SDHC: variants seen among roughly 807,000 people sequenced by gnomAD.
The protein encoded by SDHC is succinate dehydrogenase cytochrome b560 subunit, mitochondrial.
In SDHC, 11 loss-of-function variants were observed where a neutral mutation model predicts 22.6. That is an observed-to-expected ratio of 0.49 (90% CI 0.31 to 0.81). The LOEUF (loss-of-function observed/expected upper bound fraction) is 0.81. SDHC is among the 30% of genes least tolerant of loss of function. The pLI, the probability that SDHC is intolerant of heterozygous loss-of-function variation, is 0.05. For missense variants in SDHC, 160 were observed against 212.0 expected (o/e 0.75, Z 1.52); for synonymous variants, 80 against 77.8 (o/e 1.03, Z -0.15).
intron 5 of SDHC, among the ~76,000 whole-genome samples, chr1:161,358,704 A>G (rs1571893489): frequency 6.6e-6 from 1 of 151,992 alleles, no homozygotes; most frequent in Non-Finnish European, 1.5e-5. Flanking sequence ...AGGCGGGCGG[A>G]TAATCTGAGG....
intron 3 of SDHC, among the ~76,000 whole-genome samples, chr1:161,339,238 A>G (rs976474117): frequency 6.6e-6 from 1 of 152,138 alleles, no homozygotes; most frequent in Non-Finnish European, 1.5e-5. Flanking sequence ...GCTGGAGTAC[A>G]GTGGCACAGT....
At chr1:161,359,157 G>A (rs16832850) in intron 5 of SDHC, among the ~76,000 whole-genome samples, 1 of 151,616 alleles carries the variant, frequency 6.6e-6, no homozygotes, top group Non-Finnish European at 1.5e-5. Flanking sequence ...CTTCCAAGAA[G>A]GCAATTAAAA....
intron 3 of SDHC, among the ~76,000 whole-genome samples, chr1:161,334,849 CTAT>C (rs984133456): frequency 3.9e-5 from 6 of 152,268 alleles, no homozygotes; most frequent in African/African-American, 9.6e-5. Context: ...TTTAAGGAGA[CTAT>C]TATTCTGCCT....
chr1:161,356,894 G>T, intron 5 of SDHC, 54 bp downstream of exon 5: 1 of 1,563,100 alleles, frequency 6.4e-7, no homozygotes, highest in Non-Finnish European at 8.8e-7. Context: ...GGGGAGACTG[G>T]GAGGATTCTT....
intron 2 of SDHC, chr1:161,326,598 A>T (rs1348275218): frequency 9.2e-4 from 95 of 103,778 alleles, no homozygotes; most frequent in Non-Finnish European, 1.2e-3. Flanking sequence ...TTAAGGTTTT[A>T]TTTTATTTTA....
chr1:161,362,170 G>A (rs1200680107), intron 5 of SDHC, among the ~76,000 whole-genome samples, 159 bp from the exon 6 acceptor site: 1 of 152,184 alleles, frequency 6.6e-6, no homozygotes, highest in Admixed American at 6.5e-5. Context: ...TGTGGGTTTT[G>A]AGAAGGGTAA....
chr1:161,334,766 T>C (rs1413518814), intron 3 of SDHC, among the ~76,000 whole-genome samples: 1 of 152,206 alleles, frequency 6.6e-6, no homozygotes, highest in Non-Finnish European at 1.5e-5. Context: ...CTTAATTTCA[T>C]CTGCAACCTT....
chr1:161,352,482 A>G (rs1453005620), intron 4 of SDHC, among the ~76,000 whole-genome samples: 2 of 152,190 alleles, frequency 1.3e-5, no homozygotes, highest in African/African-American at 4.8e-5. Flanking sequence ...ATACAAATGT[A>G]TACTTAGAAA....
chr1:161,314,521 G>A (rs186054160), intron 1 of SDHC, 96 bp downstream of exon 1: 14 of 1,453,404 alleles, frequency 9.6e-6, no homozygotes, highest in Admixed American at 7.0e-5. Flanking sequence ...CCTGTGCCTG[G>A]GCAGGGAAAG....
chr1:161,360,520 C>T (rs1327073116), intron 5 of SDHC, among the ~76,000 whole-genome samples: 1 of 148,752 alleles, frequency 6.7e-6, no homozygotes, highest in East Asian at 2.0e-4. Flanking sequence ...TGTGCCACTG[C>T]ACTCCAGCCT....
chr1:161,317,601 G>A (rs1483156395), intron 1 of SDHC, among the ~76,000 whole-genome samples: 5 of 118,382 alleles, frequency 4.2e-5, no homozygotes, highest in Non-Finnish European at 6.6e-5. Flanking sequence ...TCACCCTGTC[G>A]CCCAGGCTGG....
intron 2 of SDHC, among the ~76,000 whole-genome samples, chr1:161,324,448 G>A (rs1388582820): frequency 6.6e-6 from 1 of 152,156 alleles, no homozygotes; most frequent in East Asian, 1.9e-4. Flanking sequence ...AATTGCCTTT[G>A]TGTTATTTTT....
chr1:161,355,984 CAAAAAAAAA>C (rs60684612), intron 4 of SDHC, among the ~76,000 whole-genome samples: 21 of 88,356 alleles, frequency 2.4e-4, no homozygotes, highest in African/African-American at 7.3e-4. Context: ...GACTCTGTCT[CAAAAAAAAA>C]AAAAAAAAAA....
chr1:161,353,498 C>G (rs1047268435), intron 4 of SDHC, among the ~76,000 whole-genome samples: 3 of 152,156 alleles, frequency 2.0e-5, no homozygotes, highest in Admixed American at 2.0e-4. Flanking sequence ...ACTCTGAACC[C>G]TCTTGAGTCA....
chr1:161,351,269 ACTT>A (rs1672089291), intron 4 of SDHC, among the ~76,000 whole-genome samples: 2 of 152,088 alleles, frequency 1.3e-5, no homozygotes, highest in Non-Finnish European at 2.9e-5. Flanking sequence ...TATCTTCTAT[ACTT>A]TAGTCTCTTG....
intron 3 of SDHC, among the ~76,000 whole-genome samples, chr1:161,335,932 A>G (rs1671466526): frequency 6.6e-6 from 1 of 151,944 alleles, no homozygotes; most frequent in Non-Finnish European, 1.5e-5. Context: ...TTGTTTTTTT[A>G]GGCTAACCCA....
At chr1:161,345,221 A>G (rs1482404729) in intron 4 of SDHC, among the ~76,000 whole-genome samples, 1 of 152,128 alleles carries the variant, frequency 6.6e-6, no homozygotes, top group Admixed American at 6.6e-5. Context: ...GAGGCATTGC[A>G]TGTTTTGTTT....
At chr1:161,361,244 A>G (rs1171029146) in intron 5 of SDHC, among the ~76,000 whole-genome samples, 1 of 151,222 alleles carries the variant, frequency 6.6e-6, no homozygotes, top group Non-Finnish European at 1.5e-5. Flanking sequence ...TTATTTATAT[A>G]TAAAATATAT....
chr1:161,352,142 G>A (rs1164983423), intron 4 of SDHC, among the ~76,000 whole-genome samples: 1 of 152,208 alleles, frequency 6.6e-6, no homozygotes, highest in Non-Finnish European at 1.5e-5. Context: ...TCAGATTCTA[G>A]GAGTGGGGTC....
Sources: gnomAD v4.1 joint callset for allele counts (sites outside exome capture counted in the v4.1 genomes callset) on GRCh38, gnomAD v4.1.1 for gene constraint, MANE v1.5 for transcripts, NCBI Gene and HGNC (gene_info 2026-07-23, HGNC 2026-07-21) for gene names.